The following HTR4 variants were observed in gnomAD, a reference collection of about 807,000 sequenced individuals.
HTR4 encodes 5-hydroxytryptamine (serotonin) receptor 4, G protein-coupled.
HTR4 carries 16 observed loss-of-function variants against 36.8 expected under a neutral mutation model. The ratio of observed to expected loss-of-function variants is 0.43; its 90% CI spans 0.29 to 0.66. The LOEUF (loss-of-function observed/expected upper bound fraction) is 0.66, where lower values mean the gene tolerates loss of function less well. HTR4 is among the 30% of genes least tolerant of loss of function. The pLI is 0.13. For missense variants in HTR4, 438 were observed against 490.9 expected (o/e 0.89, Z 1.02); for synonymous variants, 189 against 185.1 (o/e 1.02, Z -0.17).
intron 2 of HTR4, among the ~76,000 whole-genome samples, chr5:148,588,247 A>T (rs1160241325): frequency 1.3e-5 from 2 of 152,160 alleles, no homozygotes; most frequent in Non-Finnish European, 2.9e-5. Flanking sequence ...TTGTTGACCA[A>T]CCTCTTTAAC....
At chr5:148,459,958 G>C (rs1755223627) in intron 5 of HTR4, among the ~76,000 whole-genome samples, 2 of 152,108 alleles carry the variant, frequency 1.3e-5, no homozygotes, top group South Asian at 2.1e-4. Context: ...TTCTGAGAAA[G>C]AACCAAGTAG....
chr5:148,560,760 T>G (rs932588773), intron 2 of HTR4, among the ~76,000 whole-genome samples: 2 of 152,194 alleles, frequency 1.3e-5, no homozygotes, highest in Non-Finnish European at 2.9e-5. Flanking sequence ...ATTTTGTAAC[T>G]ATTAAGTGGT....
At chr5:148,465,933 T>C (rs1202628917) in intron 5 of HTR4, 2 of 1,612,618 alleles carry the variant, frequency 1.2e-6, no homozygotes, top group Non-Finnish European at 1.7e-6. Context: ...CCACTTTTAG[T>C]TGAAACAGAA....
intron 4 of HTR4, among the ~76,000 whole-genome samples, chr5:148,530,649 TC>T (rs1334675055): frequency 6.6e-6 from 1 of 151,922 alleles, no homozygotes; most frequent in African/African-American, 2.4e-5. Context: ...CTGTGCAGAG[TC>T]CCTACTGGGG....
chr5:148,614,976 A>G (rs1191399466), intron 2 of HTR4, among the ~76,000 whole-genome samples: 1 of 152,176 alleles, frequency 6.6e-6, no homozygotes, highest in African/African-American at 2.4e-5. Flanking sequence ...CAAAACCACA[A>G]TGAGATACCA....
At chr5:148,489,675 GT>G (rs1756325473) in intron 6 of HTR4, among the ~76,000 whole-genome samples, 2 of 152,302 alleles carry the variant, frequency 1.3e-5, no homozygotes, top group South Asian at 4.2e-4. Flanking sequence ...TTCGCTATTT[GT>G]TTGGGAAAAG....
intron 6 of HTR4, among the ~76,000 whole-genome samples, chr5:148,508,477 G>T (rs968527300): frequency 4.6e-5 from 7 of 152,042 alleles, no homozygotes; most frequent in Non-Finnish European, 1.0e-4. Flanking sequence ...GTGACCTTGG[G>T]GAAAAAAAAT....
chr5:148,543,757 T>C (rs773099992), intron 4 of HTR4, among the ~76,000 whole-genome samples: 8 of 152,150 alleles, frequency 5.3e-5, no homozygotes, highest in Non-Finnish European at 1.0e-4. Context: ...AAGGGACTGT[T>C]AGAAAAAAAT....
chr5:148,620,922 C>T (rs1262549756), intron 2 of HTR4, among the ~76,000 whole-genome samples: 1 of 152,204 alleles, frequency 6.6e-6, no homozygotes, highest in Admixed American at 6.5e-5. Context: ...AACCACACAA[C>T]TCACACCCAC....
intron 4 of HTR4, among the ~76,000 whole-genome samples, chr5:148,532,169 C>G (rs1372128452): frequency 6.6e-6 from 1 of 152,186 alleles, no homozygotes; most frequent in Non-Finnish European, 1.5e-5. Context: ...TGTTCTGGTG[C>G]ATCCTATATG....
At chr5:148,518,353 T>A (rs1757858943) in intron 5 of HTR4, among the ~76,000 whole-genome samples, 1 of 152,182 alleles carries the variant, frequency 6.6e-6, no homozygotes, top group South Asian at 2.1e-4. Context: ...CCTAAGCGCC[T>A]GAATTAGATT....
intron 6 of HTR4, among the ~76,000 whole-genome samples, chr5:148,500,159 C>T (rs779261069): frequency 6.6e-6 from 1 of 152,088 alleles, no homozygotes; most frequent in Non-Finnish European, 1.5e-5. Context: ...TTAAGATTTC[C>T]AAGAGACACC....
At chr5:148,581,080 GATT>G (rs559603435) in intron 2 of HTR4, among the ~76,000 whole-genome samples, 64 of 151,430 alleles carry the variant, frequency 4.2e-4, no homozygotes, top group East Asian at 2.9e-3. Context: ...CAATGTTTTT[GATT>G]TGCATTGCCC....
chr5:148,457,982 GA>G lies in HTR4; in HGVS notation c.1077-6711del, dbSNP rs1214443994. Among the ~76,000 whole-genome samples, 24 of 38,556 alleles carry G rather than the reference GA, an allele frequency of 6.2e-4. No homozygotes were observed. In the South Asian group the frequency reaches 6.8e-3, roughly 11 times the overall value. The allele number at this position is 38,556 out of a possible 152,430, so 25.3% of individuals were successfully genotyped here. The stretch of plus-strand genomic sequence containing the variant: ...ATATTAAAATATAATATATTTTAAT[GA>G]TATATTTAATATATCTTAAGATATA... On this transcript the variant is annotated intron_variant, in intron 5 of 5. Coordinates refer to the HTR4 transcript ENST00000521530.
At chr5:148,610,986 A>G (rs1357254547) in intron 2 of HTR4, among the ~76,000 whole-genome samples, 1 of 150,578 alleles carries the variant, frequency 6.6e-6, no homozygotes, top group African/African-American at 2.5e-5. Context: ...AAAAAAGAAT[A>G]AAAAGAAATG....
chr5:148,502,799 T>C (rs1757001147), intron 6 of HTR4, among the ~76,000 whole-genome samples: 1 of 152,156 alleles, frequency 6.6e-6, no homozygotes, highest in East Asian at 1.9e-4. Context: ...AGTCCTTAAA[T>C]GACCTAATGG....
chr5:148,482,851 G>A lies in HTR4; in HGVS notation c.*352C>T. On this transcript the variant is annotated 3_prime_UTR_variant, in exon 7 of 7. Coordinates refer to ENST00000377888, the MANE Select transcript of HTR4 (RefSeq NM_000870.7). ...CGTATTTGGAGACATCAGTGACCGA[G>A]ATAGGACGCAGCAAGCTATCGTGCT... The A allele has an allele frequency of 8.8e-7, 1 of 1,140,728 alleles. No individual in the cohort carries two copies. The highest frequency in any genetic ancestry group is 2.6e-5 in the South Asian group (1 of 38,540). 70.7% of individuals were successfully genotyped at this position (1,140,728 alleles called of 1,614,324 possible). A position where few individuals can be genotyped will look rare whatever the true frequency, so the allele number is the denominator to read the frequency against.
Position 148,654,145 on chromosome 5 carries a change from CGCTGCCGCT to C in HTR4, c.-140_-132del. The C allele has an allele frequency of 1.0e-6, 1 of 985,700 alleles. No individual in the cohort carries two copies. Among genetic ancestry groups the C allele is most frequent in the Non-Finnish European group, 1.2e-6 (1 of 830,062 alleles). The allele number at this position is 985,700 out of a possible 1,614,324, so 61.1% of individuals were successfully genotyped here. A position where few individuals can be genotyped will look rare whatever the true frequency, so the allele number is the denominator to read the frequency against. The stretch of plus-strand genomic sequence containing the variant: ...CGCTGAGCCGAGCTTCTGCTGCCGC[CGCTGCCGCT>C]GCGCTCCCAGCCGCTGCCTGCGCCC... On this transcript the variant is annotated 5_prime_UTR_variant, in exon 1 of 7. Transcript: ENST00000377888.
chr5:148,471,269 A>G (rs924980248), intron 5 of HTR4, among the ~76,000 whole-genome samples: 5 of 152,292 alleles, frequency 3.3e-5, no homozygotes, highest in Non-Finnish European at 7.4e-5. Flanking sequence ...GCAGGCTGAG[A>G]GCTAGCCGAC....
Sources: allele counts gnomAD v4.1 joint callset (sites outside exome capture counted in the v4.1 genomes callset), GRCh38; gene constraint gnomAD v4.1.1; transcripts MANE v1.5; gene names NCBI Gene and HGNC (gene_info 2026-07-23, HGNC 2026-07-21).